SUMF1: variants seen among roughly 807,000 people sequenced by gnomAD.
SUMF1 encodes formylglycine-generating enzyme.
SUMF1 carries 48 observed loss-of-function variants against 47.6 expected under a neutral mutation model. The observed-to-expected ratio is 1.01, with a 90% CI of 0.80 to 1.28. SUMF1 has a LOEUF of 1.28. Ranked by LOEUF, SUMF1 falls within the 50% of genes most tolerant of loss-of-function variation. SUMF1 has a pLI of 0.00. For missense variants in SUMF1, 571 were observed against 485.4 expected (o/e 1.18, Z -1.66); for synonymous variants, 230 against 192.1 (o/e 1.20, Z -1.63).
intron 1 of SUMF1, among the ~76,000 whole-genome samples, chr3:4,462,748 GA>G (rs1179598901): frequency 1.3e-5 from 2 of 152,172 alleles, no homozygotes; most frequent in African/African-American, 2.4e-5. Context: ...GGGTGAATAA[GA>G]GAAGCATGCT....
chr3:4,444,392 G>A (rs536917290), intron 3 of SUMF1, among the ~76,000 whole-genome samples: 2 of 152,282 alleles, frequency 1.3e-5, no homozygotes, highest in African/African-American at 4.8e-5. Flanking sequence ...ATAGTCACTT[G>A]TAGAACTGAG....
intron 8 of SUMF1, among the ~76,000 whole-genome samples, chr3:4,159,596 T>C (rs997728876): frequency 5.9e-5 from 9 of 152,082 alleles, no homozygotes; most frequent in Admixed American, 3.9e-4. Flanking sequence ...AATTACAGTG[T>C]AATACTATTC....
chr3:4,371,495 T>C (rs1007130116), intron 8 of SUMF1, among the ~76,000 whole-genome samples: 4 of 152,216 alleles, frequency 2.6e-5, no homozygotes, highest in Non-Finnish European at 5.9e-5. Flanking sequence ...GTAACTCATG[T>C]TAAACGAAAT....
intron 8 of SUMF1, among the ~76,000 whole-genome samples, chr3:4,296,056 G>T (rs1697843312): frequency 1.3e-5 from 2 of 151,604 alleles, no homozygotes; most frequent in South Asian, 4.2e-4. Flanking sequence ...AAAGTTTCAA[G>T]TTATTTTAAT....
intron 8 of SUMF1, among the ~76,000 whole-genome samples, chr3:4,193,885 T>G (rs1695374318): frequency 6.6e-6 from 1 of 152,134 alleles, no homozygotes; most frequent in African/African-American, 2.4e-5. Flanking sequence ...AGCCAATTCA[T>G]AAAAAGTACG....
At chr3:4,353,692 GTT>G (rs1385482701) in intron 8 of SUMF1, among the ~76,000 whole-genome samples, 1 of 151,996 alleles carries the variant, frequency 6.6e-6, no homozygotes, top group Non-Finnish European at 1.5e-5. Flanking sequence ...ATGAAAATCA[GTT>G]TGACTCACAG....
chr3:4,304,138 T>G (rs1294876970), intron 8 of SUMF1: 1 of 170,228 alleles, frequency 5.9e-6, no homozygotes, highest in Non-Finnish European at 1.4e-5. Context: ...TCAAAGCCCT[T>G]TCTACTCTCC....
In SUMF1 at chr3:4,256,096, T is replaced by G. The variant is rs1484176922; in HGVS notation, c.1014+120234A>C. Reference sequence around the variant, plus strand: ...AACAAAGACACAACATACCAGAATCTCTGGGACGCATTCAAAGCAGTGTGT... The same window carrying G: ...AACAAAGACACAACATACCAGAATCGCTGGGACGCATTCAAAGCAGTGTGT... On this transcript the variant is annotated intron_variant and NMD_transcript_variant, in intron 8 of 12. Coordinates refer to the SUMF1 transcript ENST00000448413. 2.6e-4 allele frequency among the ~76,000 whole-genome samples: 38 copies of G among 147,120 alleles called. 1 individual carries two copies. The highest frequency in any genetic ancestry group is 7.2e-3 in the Middle Eastern group (2 of 278).
At chr3:4,149,169 G>A (rs1482145550) in intron 8 of SUMF1, among the ~76,000 whole-genome samples, 1 of 152,078 alleles carries the variant, frequency 6.6e-6, no homozygotes, top group Non-Finnish European at 1.5e-5. Flanking sequence ...TTGTTGTAGT[G>A]TTTAAAGATG....
intron 7 of SUMF1, among the ~76,000 whole-genome samples, chr3:4,409,655 C>T (rs932335501): frequency 2.0e-4 from 31 of 152,338 alleles, no homozygotes; most frequent in Admixed American, 1.6e-3. Flanking sequence ...CAACCACAAA[C>T]CCACCTAGAA....
chr3:4,135,425 G>A (rs555436794), intron 8 of SUMF1, among the ~76,000 whole-genome samples: 2 of 151,790 alleles, frequency 1.3e-5, no homozygotes, highest in Non-Finnish European at 2.9e-5. Context: ...ATTCAACAAC[G>A]TTTCATGCTA....
intron 7 of SUMF1, among the ~76,000 whole-genome samples, chr3:4,397,764 C>G (rs1389307037): frequency 6.6e-6 from 1 of 152,038 alleles, no homozygotes; most frequent in African/African-American, 2.4e-5. Context: ...TGGCCTATCT[C>G]CTTTCCACAT....
At chr3:4,414,896 T>C (rs1701658744) in intron 6 of SUMF1, 1 of 152,234 alleles carries the variant, frequency 6.6e-6, no homozygotes, top group Non-Finnish European at 1.5e-5. Flanking sequence ...AACCCTGTCA[T>C]GGCCTTTTGT....
In SUMF1 at chr3:4,443,226, C is replaced by T. The variant is rs548182667; in HGVS notation, c.519+6040G>A. Among the ~76,000 whole-genome samples, 11 of 151,910 alleles carry T rather than the reference C, an allele frequency of 7.2e-5. No homozygotes were observed. In the South Asian group the frequency reaches 2.1e-3, roughly 29 times the overall value. ...CCAGTAGGTGGAGGGTACAGTGAGC[C>T]AAGATTGCACACCGCACTCTAGCCT... is the stretch of plus-strand genomic sequence containing the variant. On this transcript the variant is annotated intron_variant, in intron 3 of 8. Transcript: ENST00000272902.
intron 7 of SUMF1, among the ~76,000 whole-genome samples, chr3:4,392,045 C>T (rs899042252): frequency 2.6e-5 from 4 of 152,028 alleles, no homozygotes; most frequent in African/African-American, 9.7e-5. Flanking sequence ...CAGGGTTGGT[C>T]TCAAACTCCC....
intron 8 of SUMF1, among the ~76,000 whole-genome samples, chr3:4,215,401 A>G (rs1266615320): frequency 6.6e-6 from 1 of 152,210 alleles, no homozygotes; most frequent in African/African-American, 2.4e-5. Context: ...ATCGCAAAAT[A>G]ATAAGAGCTA....
At chr3:4,277,092 C>T (rs955358746) in intron 8 of SUMF1, among the ~76,000 whole-genome samples, 15 of 152,166 alleles carry the variant, frequency 9.9e-5, no homozygotes, top group African/African-American at 3.6e-4. Context: ...CTATTATACG[C>T]GGAACCTGCT....
At position 4,224,009 on chromosome 3, in the gene SUMF1, G is replaced by A. The variant is rs73806949; in HGVS notation, c.1014+152321C>T. 8.3e-3 allele frequency among the ~76,000 whole-genome samples: 1,267 copies of A among 152,148 alleles called. 21 individuals carry two copies. Among genetic ancestry groups the A allele is most frequent in the African/African-American group, 0.029 (1,207 of 41,514 alleles). ...CAGCATTAAGGATAAGAGTAAGCAA[G>A]AAGGAACAGGAGGGAAAAAGAATCA... On this transcript the variant is annotated intron_variant and NMD_transcript_variant, in intron 8 of 12. Transcript: ENST00000448413.
At chr3:4,176,575 T>G (rs566307613) in intron 8 of SUMF1, among the ~76,000 whole-genome samples, 2 of 152,160 alleles carry the variant, frequency 1.3e-5, no homozygotes, top group Non-Finnish European at 2.9e-5. Flanking sequence ...TACCAGCTAC[T>G]GAAAAAACAG....
Sources: gnomAD v4.1 joint callset for allele counts (sites outside exome capture counted in the v4.1 genomes callset) on GRCh38, gnomAD v4.1.1 for gene constraint, MANE v1.5 for transcripts, NCBI Gene and HGNC (gene_info 2026-07-23, HGNC 2026-07-21) for gene names.